CACNA1E: variants seen among roughly 807,000 people sequenced by gnomAD.
CACNA1E encodes the protein voltage-dependent R-type calcium channel subunit alpha-1E.
In CACNA1E, 40 loss-of-function variants were observed where a neutral mutation model predicts 259.2. The ratio of observed to expected loss-of-function variants is 0.15; its 90% confidence interval spans 0.12 to 0.20. The LOEUF (loss-of-function observed/expected upper bound fraction) is 0.20, where lower values mean the gene tolerates loss of function less well. Ranked by LOEUF, CACNA1E falls within the 10% of genes least tolerant of loss-of-function variation. CACNA1E has a pLI of 1.00. For missense variants in CACNA1E, 1,874 were observed against 3,040.1 expected (o/e 0.62, Z 9.02); for synonymous variants, 1,104 against 1,138.5 (o/e 0.97, Z 0.61).
rs147018973 is a variant in CACNA1E at position 181,404,256 on chromosome 1, C to A, written c.-14-8877C>A. 2.2e-3 allele frequency among the ~76,000 whole-genome samples: 329 copies of A among 152,258 alleles called. 2 individuals are homozygous for A. Among genetic ancestry groups the A allele is most frequent in the African/African-American group, 7.2e-3 (300 of 41,556 alleles). ...CCTACTACAGTTTTCCTTTTTAGATCATTGGAGAGATGTGGGCACTTTCAA... is the reference window on the plus strand; with the variant it reads ...CCTACTACAGTTTTCCTTTTTAGATAATTGGAGAGATGTGGGCACTTTCAA... On this transcript the variant is annotated intron_variant, in intron 1 of 11. Coordinates refer to the CACNA1E transcript ENST00000524607.
At chr1:181,759,582 A>C (rs1298056723) in intron 32 of CACNA1E, among the ~76,000 whole-genome samples, 1 of 152,180 alleles carries the variant, frequency 6.6e-6, no homozygotes, top group African/African-American at 2.4e-5. Context: ...GAGTGTTAAG[A>C]AAATCCAGCC....
intron 1 of CACNA1E, among the ~76,000 whole-genome samples, chr1:181,404,165 C>G (rs1431896877): frequency 6.6e-6 from 1 of 152,222 alleles, no homozygotes; most frequent in Non-Finnish European, 1.5e-5. Context: ...GGAGCCCATC[C>G]CCCAAACTGT....
intron 7 of CACNA1E, among the ~76,000 whole-genome samples, chr1:181,703,565 CT>C (rs1481658540): frequency 6.6e-6 from 1 of 152,154 alleles, no homozygotes; most frequent in Non-Finnish European, 1.5e-5. Context: ...TTTTCTTCCC[CT>C]GTGTCTACTC....
intron 38 of CACNA1E, chr1:181,779,592 C>G (rs1208649810): frequency 7.4e-6 from 3 of 403,210 alleles, no homozygotes; most frequent in Non-Finnish European, 1.5e-5. Flanking sequence ...ACATCTAACC[C>G]CTCCTCTCTG....
intron 7 of CACNA1E, among the ~76,000 whole-genome samples, chr1:181,709,579 C>T (rs753236879): frequency 6.6e-6 from 1 of 152,194 alleles, no homozygotes; most frequent in Non-Finnish European, 1.5e-5. Flanking sequence ...CTAGACATGA[C>T]AGAGAAACTG....
intron 3 of CACNA1E, among the ~76,000 whole-genome samples, chr1:181,572,396 C>A (rs1463304645): frequency 6.6e-6 from 1 of 152,194 alleles, no homozygotes; most frequent in Non-Finnish European, 1.5e-5. Flanking sequence ...TATTTGCTGA[C>A]ACCTAAAAGT....
intron 2 of CACNA1E, among the ~76,000 whole-genome samples, chr1:181,434,139 T>C (rs1387613070): frequency 6.6e-6 from 1 of 152,230 alleles, no homozygotes; most frequent in Non-Finnish European, 1.5e-5. Context: ...GGCAAATTGC[T>C]TAACCGCTCT....
chr1:181,391,939 C>CTGTGTGTGTGTGTG (rs1227455808), intron 1 of CACNA1E, among the ~76,000 whole-genome samples: 191 of 110,978 alleles, frequency 1.7e-3, no homozygotes, highest in African/African-American at 4.0e-3. Flanking sequence ...CTCTCTCTCT[C>CTGTGTGTGTGTGTG]TCTCTCTGTG....
chr1:181,528,431 G>A (rs1351630978), intron 3 of CACNA1E, among the ~76,000 whole-genome samples: 2 of 152,162 alleles, frequency 1.3e-5, no homozygotes, highest in Non-Finnish European at 2.9e-5. Flanking sequence ...CAGTAAATTG[G>A]TACCAGGAGA....
chr1:181,342,734 T>A lies in CACNA1E; in HGVS notation c.-15+24611T>A, dbSNP rs1393928558. On this transcript the variant is annotated intron_variant, in intron 1 of 11. Transcript: ENST00000524607. ...CAAAGAAGTGCTTACCTCGAAAGCG[T>A]GGATAGTGGTTGTCTTTGGCAGAGA... Among the ~76,000 whole-genome samples the A allele has an allele frequency of 5.3e-5, 8 of 152,226 alleles. No individual in the cohort carries two copies. The East Asian group carries it at 1.2e-3, about 22-fold the overall frequency.
chr1:181,683,463 A>G (rs1257078357), intron 7 of CACNA1E, among the ~76,000 whole-genome samples: 1 of 152,116 alleles, frequency 6.6e-6, no homozygotes, highest in African/African-American at 2.4e-5. Context: ...AGGTTCAAGG[A>G]GGTACGTGTG....
intron 1 of CACNA1E, among the ~76,000 whole-genome samples, chr1:181,349,414 G>A (rs764808253): frequency 1.3e-5 from 2 of 152,234 alleles, no homozygotes; most frequent in Admixed American, 6.5e-5. Context: ...CCCAAGGGAG[G>A]CAGGGTACAT....
In CACNA1E at chr1:181,342,726, C is replaced by T. The variant is rs573533729; in HGVS notation, c.-15+24603C>T. Among the ~76,000 whole-genome samples, 7 of 152,230 alleles carry T rather than the reference C, an allele frequency of 4.6e-5. 1 individual carries two copies. Among genetic ancestry groups the T allele is most frequent in the Admixed American group, 2.6e-4 (4 of 15,298 alleles). ...AGAATAGTCAAAGAAGTGCTTACCT[C>T]GAAAGCGTGGATAGTGGTTGTCTTT... On this transcript the variant is annotated intron_variant, in intron 1 of 11. Transcript: ENST00000524607.
At chr1:181,410,320 G>T (rs922581382) in intron 1 of CACNA1E, among the ~76,000 whole-genome samples, 1 of 152,182 alleles carries the variant, frequency 6.6e-6, no homozygotes, top group Non-Finnish European at 1.5e-5. Context: ...GCTCATTCTG[G>T]ACTCCTTATC....
chr1:181,605,774 G>A (rs1366739554), intron 6 of CACNA1E, among the ~76,000 whole-genome samples: 1 of 152,098 alleles, frequency 6.6e-6, no homozygotes, highest in Non-Finnish European at 1.5e-5. Context: ...TGGGGTACAG[G>A]GTGTGTCATC....
Position 181,686,275 on chromosome 1 carries a change from G to GTTTTTTTTTTTTTTTTTTTT in CACNA1E, c.1056-24670_1056-24651dup, listed in dbSNP as rs66526388. Among the ~76,000 whole-genome samples the GTTTTTTTTTTTTTTTTTTTT allele has an allele frequency of 2.9e-4, 17 of 58,670 alleles. 3 individuals are homozygous for GTTTTTTTTTTTTTTTTTTTT. The highest frequency in any genetic ancestry group is 6.2e-4 in the African/African-American group (10 of 16,128). 38.5% of individuals were successfully genotyped at this position (58,670 alleles called of 152,430 possible). On this transcript the variant is annotated intron_variant, in intron 7 of 47. Transcript: ENST00000367573. The stretch of plus-strand genomic sequence containing the variant: ...AGGCTTGGAGGCCAGTAAGAACCAA[G>GTTTTTTTTTTTTTTTTTTTT]TTTTTTTTTTTTTTTTTTTTTTTTT...
chr1:181,387,858 T>C (rs1655962617), intron 1 of CACNA1E, among the ~76,000 whole-genome samples: 1 of 152,232 alleles, frequency 6.6e-6, no homozygotes, highest in Non-Finnish European at 1.5e-5. Flanking sequence ...CATATGAGGC[T>C]GCCCTCCTGA....
chr1:181,589,235 G>A (rs995096010), intron 6 of CACNA1E, among the ~76,000 whole-genome samples: 11 of 152,178 alleles, frequency 7.2e-5, no homozygotes, highest in South Asian at 2.1e-4. Context: ...CAATGTAATT[G>A]CCAGGCAGTA....
At chr1:181,440,997 A>C (rs1445721010) in intron 2 of CACNA1E, among the ~76,000 whole-genome samples, 1 of 106,246 alleles carries the variant, frequency 9.4e-6, no homozygotes, top group Non-Finnish European at 2.1e-5. Flanking sequence ...AAAAAAAAAA[A>C]AAAAAAAAAA....
Sources: gnomAD v4.1 joint callset for allele counts (sites outside exome capture counted in the v4.1 genomes callset) on GRCh38, gnomAD v4.1.1 for gene constraint, MANE v1.5 for transcripts, NCBI Gene and HGNC (gene_info 2026-07-23, HGNC 2026-07-21) for gene names.